Variants in NEGR1 observed in about 807,000 individuals in gnomAD.
The protein encoded by NEGR1 is IgLON family member 4.
Under a neutral mutation model 40.9 loss-of-function variants are expected in NEGR1, and 10 were observed. That is an observed-to-expected ratio of 0.24 (90% CI 0.15 to 0.42). NEGR1 has a LOEUF of 0.42. Among genes scored for constraint, NEGR1 ranks in the 10% least tolerant of loss-of-function variants. The pLI, the probability that NEGR1 is intolerant of heterozygous loss-of-function variation, is 1.00. For synonymous variants in NEGR1, 185 were observed against 166.8 expected (o/e 1.11, Z -0.84); for missense variants, 352 against 438.9 (o/e 0.80, Z 1.77).
At chr1:71,725,053 G>A (rs1250598478) in intron 3 of NEGR1, among the ~76,000 whole-genome samples, 1 of 151,992 alleles carries the variant, frequency 6.6e-6, no homozygotes, top group East Asian at 1.9e-4. Flanking sequence ...AATGTTCAGT[G>A]TTTTCCAAAC....
chr1:72,137,827 C>T (rs1334319179), intron 1 of NEGR1, among the ~76,000 whole-genome samples: 2 of 152,030 alleles, frequency 1.3e-5, no homozygotes, highest in Non-Finnish European at 2.9e-5. Flanking sequence ...CAGCACATTG[C>T]ATACAGAAGA....
chr1:71,784,557 G>C (rs957361716), intron 2 of NEGR1, among the ~76,000 whole-genome samples: 2 of 152,138 alleles, frequency 1.3e-5, no homozygotes, highest in Non-Finnish European at 1.5e-5. Context: ...CCCTTGAAAA[G>C]CTCAGGATTG....
intron 1 of NEGR1, among the ~76,000 whole-genome samples, chr1:71,990,689 G>A (rs533016840): frequency 5.9e-5 from 9 of 152,032 alleles, no homozygotes; most frequent in East Asian, 3.9e-4. Context: ...CTACCAAAGC[G>A]ACAGATTACA....
At chr1:72,277,520 CATT>C (rs1407027275) in intron 1 of NEGR1, among the ~76,000 whole-genome samples, 1 of 144,068 alleles carries the variant, frequency 6.9e-6, no homozygotes, top group Non-Finnish European at 1.5e-5. Flanking sequence ...AAATTAAAAA[CATT>C]ATACTTTTAT....
At chr1:71,708,519 C>T (rs1331274265) in intron 3 of NEGR1, among the ~76,000 whole-genome samples, 1 of 151,894 alleles carries the variant, frequency 6.6e-6, no homozygotes, top group Non-Finnish European at 1.5e-5. Context: ...TTATATGGAA[C>T]CATACAAGAT....
chr1:71,934,984 A>G (rs1414106529), intron 2 of NEGR1, 95 bp downstream of exon 2: 4 of 717,908 alleles, frequency 5.6e-6, no homozygotes, highest in Non-Finnish European at 9.5e-6. Context: ...CAAATATTTC[A>G]ACATTGTTAA....
At chr1:71,567,116 A>T (rs1268190985) in intron 6 of NEGR1, among the ~76,000 whole-genome samples, 1 of 152,210 alleles carries the variant, frequency 6.6e-6, no homozygotes, top group Admixed American at 6.5e-5. Flanking sequence ...GGAGGAAAAG[A>T]GTGAAACTGA....
chr1:72,086,357 C>T (rs564527367), intron 1 of NEGR1, among the ~76,000 whole-genome samples: 36 of 152,238 alleles, frequency 2.4e-4, no homozygotes, highest in Non-Finnish European at 4.6e-4. Context: ...ATTTTTTACA[C>T]TATCTATTGT....
chr1:71,869,288 G>A (rs1220090982), intron 2 of NEGR1, among the ~76,000 whole-genome samples: 1 of 152,122 alleles, frequency 6.6e-6, no homozygotes, highest in Non-Finnish European at 1.5e-5. Flanking sequence ...TCAAAACTTT[G>A]ATTATATAGA....
rs376603059 is a variant in NEGR1 at position 71,489,818 on chromosome 1, A to G, written c.941-82248T>C. On this transcript the variant is annotated intron_variant, in intron 6 of 6. Coordinates refer to ENST00000357731, the MANE Select transcript of NEGR1 (RefSeq NM_173808.3). ...TTACTTTAAATTAGGAAAGGCAGAA[A>G]ACAAAAGCCCAAACCTTTGTAAAGG... 7 of 152,076 alleles carry G rather than the reference A, an allele frequency of 4.6e-5. 1 individual carries two copies. Among genetic ancestry groups the G allele is most frequent in the African/African-American group, 1.7e-4 (7 of 41,528 alleles). The allele number at this position is 152,076 out of a possible 1,614,324, so 9.4% of individuals were successfully genotyped here.
At chr1:72,279,438 T>A (rs189913302) in intron 1 of NEGR1, among the ~76,000 whole-genome samples, 130 of 152,196 alleles carry the variant, frequency 8.5e-4, no homozygotes, top group African/African-American at 3.1e-3. Context: ...CCACTATTTG[T>A]TTTTTATTAA....
intron 1 of NEGR1, among the ~76,000 whole-genome samples, chr1:72,087,246 G>C (rs765959890): frequency 6.6e-6 from 1 of 151,920 alleles, no homozygotes; most frequent in East Asian, 1.9e-4. Flanking sequence ...GTCAAACCCC[G>C]TCTCTACTAA....
At chr1:72,084,346 C>T (rs1648126511) in intron 1 of NEGR1, among the ~76,000 whole-genome samples, 1 of 152,106 alleles carries the variant, frequency 6.6e-6, no homozygotes, top group African/African-American at 2.4e-5. Context: ...CAGCATGGCT[C>T]CCTTCTCAGG....
At chr1:71,714,697 A>G (rs1016187792) in intron 3 of NEGR1, among the ~76,000 whole-genome samples, 1 of 152,200 alleles carries the variant, frequency 6.6e-6, no homozygotes, top group African/African-American at 2.4e-5. Flanking sequence ...CTTTGACTCC[A>G]TGTCTCTCAT....
At chr1:71,952,962 A>AAG (rs1173330277) in intron 1 of NEGR1, among the ~76,000 whole-genome samples, 1 of 151,610 alleles carries the variant, frequency 6.6e-6, no homozygotes, top group East Asian at 1.9e-4. Context: ...CTCAGGAAAA[A>AAG]AAAAAAAAAA....
At chr1:71,962,870 A>G (rs1369301158) in intron 1 of NEGR1, among the ~76,000 whole-genome samples, 1 of 151,908 alleles carries the variant, frequency 6.6e-6, no homozygotes, top group African/African-American at 2.4e-5. Flanking sequence ...CTGAATGGAC[A>G]TCGGATTCAC....
At position 71,985,195 on chromosome 1, in the gene NEGR1, C is replaced by A. The variant is rs535520594; in HGVS notation, c.177-49884G>T. 9.9e-5 allele frequency among the ~76,000 whole-genome samples: 15 copies of A among 152,168 alleles called. No individual in the cohort carries two copies. The East Asian group carries it at 1.7e-3, about 18-fold the overall frequency. On this transcript the variant is annotated intron_variant, in intron 1 of 6. Coordinates refer to ENST00000357731, the MANE Select transcript of NEGR1 (RefSeq NM_173808.3). ...GAATTAATAATCTCTTCTTCACAGG[C>A]AAAATCATAATCATAAATAAAAAGC...
At chr1:71,601,789 A>G (rs560535667) in intron 5 of NEGR1, among the ~76,000 whole-genome samples, 106 of 152,234 alleles carry the variant, frequency 7.0e-4, no homozygotes, top group African/African-American at 2.4e-3. Flanking sequence ...GAAAATAGAC[A>G]CTGAGGATTC....
intron 1 of NEGR1, among the ~76,000 whole-genome samples, chr1:72,070,846 G>C (rs1482806680): frequency 1.3e-5 from 2 of 151,936 alleles, no homozygotes; most frequent in Non-Finnish European, 2.9e-5. Context: ...AAATTAAGAT[G>C]TTTCAAAAAT....
Sources: allele counts gnomAD v4.1 joint callset (sites outside exome capture counted in the v4.1 genomes callset), GRCh38; gene constraint gnomAD v4.1.1; transcripts MANE v1.5; gene names NCBI Gene and HGNC (gene_info 2026-07-23, HGNC 2026-07-21).